Variants in STRN4 observed in about 807,000 individuals in gnomAD.
The protein encoded by STRN4 is striatin 4.
STRN4 carries 27 observed loss-of-function variants against 77.9 expected under a neutral mutation model. That is an observed-to-expected ratio of 0.35 (90% CI 0.26 to 0.48). The LOEUF is 0.48. Among genes scored for constraint, STRN4 ranks in the 20% least tolerant of loss-of-function variants. The pLI, the probability that STRN4 is intolerant of heterozygous loss-of-function variation, is 0.99. For synonymous variants in STRN4, 466 were observed against 443.1 expected, an observed-to-expected ratio of 1.05 and a Z score of -0.65; for missense variants, 798 against 1,049.7, an observed-to-expected ratio of 0.76 and a Z score of 3.31.
At chr19:46,739,789 T>C (rs1239159600) in intron 1 of STRN4, among the ~76,000 whole-genome samples, 9 of 152,242 alleles carry the variant, frequency 5.9e-5, no homozygotes, top group Non-Finnish European at 4.4e-5. Flanking sequence ...TTTGCCCCTC[T>C]AGAAAATGAG....
chr19:46,736,789 C>T (rs1212182026), intron 4 of STRN4, 34 bp downstream of exon 4: 14 of 1,605,096 alleles, frequency 8.7e-6, no homozygotes, highest in African/African-American at 1.3e-5. Context: ...AAACGTGTCA[C>T]GTGTCCCCAG....
At chr19:46,721,383 G>A (rs1012488969) in intron 16 of STRN4, 2 of 154,756 alleles carry the variant, frequency 1.3e-5, no homozygotes, top group African/African-American at 4.8e-5. Context: ...CTGGGCTGGA[G>A]CTCACTGACC....
Position 46,733,699 on chromosome 19 carries a change from C to T in STRN4, c.540-463G>A, listed in dbSNP as rs1469760293. 1 of 158,708 alleles carries T rather than the reference C, an allele frequency of 6.3e-6. No individual in the cohort carries two copies. Among genetic ancestry groups the T allele is most frequent in the South Asian group, 1.6e-4 (1 of 6,268 alleles). 9.8% of individuals were successfully genotyped at this position (158,708 alleles called of 1,614,324 possible). On this transcript the variant is annotated intron_variant, in intron 4 of 17. Coordinates refer to ENST00000263280, the MANE Select transcript of STRN4 (RefSeq NM_013403.3). This position sits in a 1 kb window ranked among gnomAD's most constrained non-coding sequence, Gnocchi z 4.3. ...AAAGCTTACACCACACGCAAACACACGTTTGTATTATGTCCCCCAAGAGGC... is the reference window on the plus strand; with the variant it reads ...AAAGCTTACACCACACGCAAACACATGTTTGTATTATGTCCCCCAAGAGGC...
chr19:46,743,144 C>T (rs1156464461), intron 1 of STRN4, among the ~76,000 whole-genome samples: 1 of 152,134 alleles, frequency 6.6e-6, no homozygotes, highest in Non-Finnish European at 1.5e-5. Context: ...AGTAGTTCAT[C>T]TATTACATAA....
chr19:46,737,928 T>C (rs1198702844), intron 3 of STRN4, among the ~76,000 whole-genome samples: 2 of 152,158 alleles, frequency 1.3e-5, no homozygotes, highest in Non-Finnish European at 2.9e-5. Flanking sequence ...GCTGCTCGTG[T>C]GTCTGCCTCT....
rs1176512222 is a variant in STRN4, at chr19:46,722,867, A to C, written c.1849T>G (p.Leu617Val). ...VASFRSGDTVLYDMEVGSALL... is the reference protein window; with the variant it reads ...VASFRSGDTVVYDMEVGSALL... ...GCACTGCCAACCTCCATGTCATACA[A>C]GACGGTGTCGCCAGAGCGGAAGGAG... The change falls in exon 14 of 18, where the codon TTG (leucine) becomes GTG (valine). Residue 617 changes from leucine to valine, a missense_variant. Around this residue, in one of 2 missense-constraint regions of STRN4, gnomAD observed 287 missense variants for 473.8 expected, o/e 0.61. Coordinates refer to ENST00000263280, the MANE Select transcript of STRN4 (RefSeq NM_013403.3). 5 of 1,613,998 alleles carry C rather than the reference A, an allele frequency of 3.1e-6. No individual in the cohort carries two copies. Among genetic ancestry groups the C allele is most frequent in the Non-Finnish European group, 4.2e-6 (5 of 1,180,040 alleles).
chr19:46,725,084 C>T (rs2122240687), intron 11 of STRN4, among the ~76,000 whole-genome samples, 156 bp from the exon 12 acceptor site: 1 of 152,338 alleles, frequency 6.6e-6, no homozygotes, highest in East Asian at 1.9e-4. Flanking sequence ...CTGCCTGTCC[C>T]CTGCCCTCCC....
At chr19:46,725,836 C>G (rs1488337835) in intron 9 of STRN4, 188 bp from the exon 10 acceptor site, 2 of 707,858 alleles carry the variant, frequency 2.8e-6, no homozygotes, top group Admixed American at 5.9e-5. Context: ...GCTCGCCCAA[C>G]AAGTCCCCAC....
chr19:46,719,751 T>C lies in STRN4; in HGVS notation c.*654A>G, dbSNP rs1161025990. The C allele has an allele frequency of 1.3e-5, 2 of 151,880 alleles. No homozygotes were observed. Among genetic ancestry groups the C allele is most frequent in the African/African-American group, 4.9e-5 (2 of 41,174 alleles). 9.4% of individuals were successfully genotyped at this position (151,880 alleles called of 1,614,324 possible). ...GTTATTTATACAGATATACAGGGAG[T>C]TCAGGGGGACCCGAGGCCCACTCCA... On this transcript the variant is annotated 3_prime_UTR_variant, in exon 18 of 18. Coordinates refer to ENST00000263280, the MANE Select transcript of STRN4 (RefSeq NM_013403.3).
chr19:46,736,340 G>A (rs1403245364), intron 4 of STRN4: 2 of 152,242 alleles, frequency 1.3e-5, no homozygotes, highest in Admixed American at 6.5e-5. Context: ...GAGTTACTGT[G>A]ATGATTCACA....
At position 46,741,134 on chromosome 19, in the gene STRN4, G is replaced by T. The variant is rs574246599; in HGVS notation, c.283-2246C>A. On this transcript the variant is annotated intron_variant, in intron 1 of 17. Coordinates refer to ENST00000263280, the MANE Select transcript of STRN4 (RefSeq NM_013403.3). This position sits in a 1 kb window ranked among gnomAD's most constrained non-coding sequence, Gnocchi z 4.9. ...AGGGAGTTCTGGAGGGAGACTAGAG[G>T]GAGGGAGCAGGAGAGCGGCAGAGCT... Among the ~76,000 whole-genome samples the T allele has an allele frequency of 6.6e-6, 1 of 152,324 alleles. No individual in the cohort carries two copies. The highest frequency in any genetic ancestry group is 1.5e-5 in the Non-Finnish European group (1 of 68,032).
chr19:46,740,179 C>G (rs891063671), intron 1 of STRN4: 1 of 152,240 alleles, frequency 6.6e-6, no homozygotes, highest in African/African-American at 2.4e-5. Context: ...GTCCCAGCTA[C>G]TCGGGAGGCT....
chr19:46,746,108 CGGGCCG>C (rs965228907), intron 1 of STRN4, 35 bp downstream of exon 1: 1 of 1,441,554 alleles, frequency 6.9e-7, no homozygotes, highest in African/African-American at 1.5e-5. Flanking sequence ...CGGGCCGGGC[CGGGCCG>C]GGTTGGGGGT....
intron 1 of STRN4, among the ~76,000 whole-genome samples, chr19:46,743,642 G>A: frequency 6.6e-6 from 1 of 152,206 alleles, no homozygotes; most frequent in East Asian, 1.9e-4. Context: ...GCTTATGCCT[G>A]TAATCCCAGC....
chr19:46,725,342 G>A lies in STRN4; in HGVS notation c.1462C>T (p.Arg488Trp). 3.1e-6 allele frequency: 5 copies of A among 1,614,158 alleles called. No individual in the cohort carries two copies. Among genetic ancestry groups the A allele is most frequent in the Non-Finnish European group, 4.2e-6 (5 of 1,180,038 alleles). ...ALDVEPIHAF[R>W]AHRGPVLAVA... ...GGGGCACCTCCCTACCTGTGAGCCCGGAAAGCATGTATAGGTTCCACATCT... is the reference window on the plus strand; with the variant it reads ...GGGGCACCTCCCTACCTGTGAGCCCAGAAAGCATGTATAGGTTCCACATCT... The change falls in exon 11 of 18, where the codon CGG becomes TGG. Residue 488 changes from arginine (R) to tryptophan (W), a missense_variant. Physicochemically the swap from Arg to Trp is moderately radical, Grantham distance 101. Transcript: ENST00000263280.
intron 7 of STRN4, 151 bp from the exon 8 acceptor site, chr19:46,728,158 G>A (rs1401102566): frequency 5.1e-6 from 4 of 781,938 alleles, no homozygotes; most frequent in Admixed American, 4.0e-5. Context: ...CAGAGGAGAG[G>A]AGGTTGATTG....
At chr19:46,721,124 C>T (rs748001786) in intron 16 of STRN4, 9 of 190,986 alleles carry the variant, frequency 4.7e-5, no homozygotes, top group Non-Finnish European at 8.5e-5. Context: ...AGTGTGAGGA[C>T]AGAATGGCCC....
rs572853038 is a variant in STRN4 at position 46,738,951 on chromosome 19, A to G, written c.283-63T>C. The G allele has an allele frequency of 5.0e-6, 7 of 1,412,036 alleles. No homozygotes were observed. The Admixed American group carries it at 8.4e-5, about 17-fold the overall frequency. 87.5% of individuals were successfully genotyped at this position (1,412,036 alleles called of 1,614,324 possible). A position where few individuals can be genotyped will look rare whatever the true frequency, so the allele number is the denominator to read the frequency against. On this transcript the variant is annotated intron_variant, in intron 1 of 17. Coordinates refer to ENST00000263280, the MANE Select transcript of STRN4 (RefSeq NM_013403.3). This position sits in a 1 kb window ranked among gnomAD's most constrained non-coding sequence, Gnocchi z 4.5. ...GCTCAGGCTCAATGCCGGTGTGTCT[A>G]TCACTCACCCAGGTATAGTGCCAGC... is the stretch of plus-strand genomic sequence containing the variant.
chr19:46,725,123 G>A (rs1391271542), intron 11 of STRN4, among the ~76,000 whole-genome samples, 195 bp from the exon 12 acceptor site: 1 of 147,856 alleles, frequency 6.8e-6, no homozygotes, highest in Non-Finnish European at 1.5e-5. Flanking sequence ...CTCCCCTGAA[G>A]GGCTGTGCTG....
Sources: allele counts gnomAD v4.1 joint callset (sites outside exome capture counted in the v4.1 genomes callset), GRCh38; gene constraint gnomAD v4.1.1; regional missense constraint gnomAD v4.1.1; non-coding constraint Gnocchi (gnomAD v3.1); transcripts MANE v1.5; gene names NCBI Gene and HGNC (gene_info 2026-07-23, HGNC 2026-07-21).